The following TAF1 variants were observed in gnomAD, a reference collection of about 807,000 sequenced individuals.
The protein encoded by TAF1 is TATA-box binding protein associated factor 1.
TAF1 carries 2 observed loss-of-function variants against 138.5 expected under a neutral mutation model. The observed-to-expected ratio is 0.01, with a 90% CI of 0.01 to 0.05. TAF1 has a LOEUF of 0.05. Ranked by LOEUF, TAF1 falls within the 10% of genes least tolerant of loss-of-function variation. TAF1 has a pLI of 1.00. For missense variants in TAF1, 709 were observed against 1,478.0 expected (o/e 0.48, Z 8.53); for synonymous variants, 437 against 503.2 (o/e 0.87, Z 1.76).
intron 13 of TAF1, among the ~76,000 whole-genome samples, chrX:71,509,018 G>C (rs979996259): frequency 1.9e-5 from 2 of 107,570 alleles, no homozygotes; most frequent in Non-Finnish European, 3.8e-5. Context: ...ATGTCACCCA[G>C]GCTGGTCTCA....
At chrX:71,502,805 G>A (rs1166890757) in intron 13 of TAF1, among the ~76,000 whole-genome samples, 1 of 110,588 alleles carries the variant, frequency 9.0e-6, no homozygotes, top group Admixed American at 9.7e-5. Flanking sequence ...AGACATGGTG[G>A]CACATGCCTG....
intron 3 of TAF1, among the ~76,000 whole-genome samples, chrX:71,368,473 A>G (rs2032740060): frequency 9.0e-6 from 1 of 111,365 alleles, no homozygotes; most frequent in African/African-American, 3.3e-5. Context: ...TGTGAGATAC[A>G]CTTCAAAGTT....
intron 13 of TAF1, among the ~76,000 whole-genome samples, chrX:71,482,090 G>C (rs1001594253): frequency 4.5e-5 from 5 of 111,790 alleles, no homozygotes; most frequent in African/African-American, 1.3e-4. Context: ...GTTGCCTTAT[G>C]ATCACAGGAT....
intron 34 of TAF1, among the ~76,000 whole-genome samples, chrX:71,456,902 C>T (rs766032427): frequency 1.8e-4 from 20 of 109,584 alleles, no homozygotes; most frequent in East Asian, 5.7e-4. Context: ...CTCGTACTCC[C>T]GACCTCAGGC....
chrX:71,477,292 TTTTAA>T (rs2038997007), intron 13 of TAF1, among the ~76,000 whole-genome samples: 1 of 110,519 alleles, frequency 9.0e-6, no homozygotes, highest in African/African-American at 3.3e-5. Context: ...ATTTTTTTAA[TTTTAA>T]TTTTTTTTTT....
intron 24 of TAF1, among the ~76,000 whole-genome samples, chrX:71,398,981 C>T (rs1001661644): frequency 2.7e-5 from 3 of 111,485 alleles, no homozygotes; most frequent in African/African-American, 9.8e-5. Context: ...GCTCTGTTGC[C>T]CAGGCTGGAG....
chrX:71,510,770 G>A (rs1024948819), intron 13 of TAF1, among the ~76,000 whole-genome samples: 9 of 111,790 alleles, frequency 8.1e-5, no homozygotes, highest in African/African-American at 2.9e-4. Flanking sequence ...AATCCTGGGT[G>A]TGGGAAAGAA....
intron 13 of TAF1, among the ~76,000 whole-genome samples, chrX:71,516,331 G>A (rs2039824994): frequency 9.7e-6 from 1 of 103,485 alleles, no homozygotes; most frequent in East Asian, 3.1e-4. Flanking sequence ...CTCGGCCTCC[G>A]AAAGTCCTGG....
intron 34 of TAF1, among the ~76,000 whole-genome samples, chrX:71,457,902 G>A (rs1326990785): frequency 8.9e-6 from 1 of 112,193 alleles, no homozygotes; most frequent in East Asian, 2.8e-4. Flanking sequence ...AATCAAAATA[G>A]CACTGATATG....
At chrX:71,409,449 A>G (rs2035654707) in intron 28 of TAF1, among the ~76,000 whole-genome samples, 1 of 111,525 alleles carries the variant, frequency 9.0e-6, no homozygotes, top group Non-Finnish European at 1.9e-5. Context: ...TCTTAAAAAG[A>G]GGAAACAGTA....
rs764316182 is a variant in TAF1, at chrX:71,408,060, C to A, written c.4293C>A (p.Leu1431=). ...IITRPMDLQT[L]RENVRKRLYP... is the part of the protein sequence containing the mutation. ...CTCGGCCAATGGACCTACAAACACT[C>A]CGCGAAAACGTGCGTAAACGCCTCT... The change falls in exon 28 of 38, where the codon CTC becomes CTA. Residue 1431 remains leucine, a synonymous_variant. Coordinates refer to ENST00000423759, the MANE Select transcript of TAF1 (RefSeq NM_004606.5). 9.4e-5 allele frequency: 114 copies of A among 1,209,876 alleles called. No individual in the cohort carries two copies. Among genetic ancestry groups the A allele is most frequent in the Non-Finnish European group, 1.2e-4 (111 of 895,300 alleles).
intron 28 of TAF1, chrX:71,420,098 T>C: frequency 2.2e-6 from 1 of 450,816 alleles, no homozygotes; most frequent in Non-Finnish European, 4.0e-6. Context: ...GGGAGTACCA[T>C]GATGTCGCTC....
intron 3 of TAF1, among the ~76,000 whole-genome samples, chrX:71,374,071 A>AT (rs1295074430): frequency 9.1e-6 from 1 of 109,595 alleles, no homozygotes; most frequent in Admixed American, 9.8e-5. Flanking sequence ...ATGTTGTATG[A>AT]TTTTTTCTTT....
intron 32 of TAF1, among the ~76,000 whole-genome samples, chrX:71,436,542 T>C (rs1189728170): frequency 9.1e-6 from 1 of 109,915 alleles, no homozygotes; most frequent in Non-Finnish European, 1.9e-5. Context: ...AGATGGGGTT[T>C]CACCATGTTG....
chrX:71,426,169 T>A (rs1481045559), intron 32 of TAF1, among the ~76,000 whole-genome samples: 2 of 110,505 alleles, frequency 1.8e-5, no homozygotes, highest in Non-Finnish European at 3.8e-5. Context: ...TTTTTGTAAA[T>A]AGAGATGGGG....
chrX:71,435,375 T>C (rs1214847849), intron 32 of TAF1, among the ~76,000 whole-genome samples: 2 of 112,159 alleles, frequency 1.8e-5, no homozygotes, highest in Non-Finnish European at 3.8e-5. Flanking sequence ...TTAGTAGTTA[T>C]TCAGCCAAAG....
At chrX:71,401,369 A>G (rs908745364) in intron 24 of TAF1, among the ~76,000 whole-genome samples, 159 bp from the exon 25 acceptor site, 1 of 111,295 alleles carries the variant, frequency 9.0e-6, no homozygotes, top group African/African-American at 3.3e-5. Flanking sequence ...GGCTTTTTGT[A>G]TATATGGGCT....
chrX:71,428,754 T>C (rs1237773255), intron 32 of TAF1, among the ~76,000 whole-genome samples: 1 of 111,976 alleles, frequency 8.9e-6, no homozygotes, highest in East Asian at 2.8e-4. Context: ...TAAGCTCTTT[T>C]TTGGAAAACT....
chrX:71,420,086 AG>A, intron 28 of TAF1: 1 of 393,233 alleles, frequency 2.5e-6, no homozygotes, highest in Non-Finnish European at 4.5e-6. Flanking sequence ...TTTTTTAGTA[AG>A]GGGAGTACCA....
Sources: gnomAD v4.1 joint callset for allele counts (sites outside exome capture counted in the v4.1 genomes callset) on GRCh38, gnomAD v4.1.1 for gene constraint, MANE v1.5 for transcripts, NCBI Gene and HGNC (gene_info 2026-07-23, HGNC 2026-07-21) for gene names.